PDE10A: variants seen among roughly 807,000 people sequenced by gnomAD.
PDE10A encodes phosphodiesterase 10A, also known as cAMP and cAMP-inhibited cGMP 3',5'-cyclic phosphodiesterase 10A.
Under a neutral mutation model 97.7 loss-of-function variants are expected in PDE10A, and 39 were observed. The observed-to-expected ratio is 0.40, with a 90% confidence interval of 0.31 to 0.52. The LOEUF is 0.52. Among genes scored for constraint, PDE10A ranks in the 20% least tolerant of loss-of-function variants. The pLI, the probability that PDE10A is intolerant of heterozygous loss-of-function variation, is 0.56. For missense variants in PDE10A, 731 were observed against 1,047.8 expected (o/e 0.70, Z 4.17); for synonymous variants, 371 against 376.8 (o/e 0.98, Z 0.18).
chr6:165,562,999 T>C (rs1384913361), intron 1 of PDE10A, among the ~76,000 whole-genome samples: 1 of 152,024 alleles, frequency 6.6e-6, no homozygotes, highest in African/African-American at 2.4e-5. Flanking sequence ...GCATCAACGG[T>C]GCTCACGTTG....
chr6:165,725,987 C>T (rs1367262660), intron 1 of PDE10A, among the ~76,000 whole-genome samples: 1 of 152,182 alleles, frequency 6.6e-6, no homozygotes, highest in African/African-American at 2.4e-5. Context: ...ATTGGCACTA[C>T]CCATGTTCTC....
At chr6:165,572,254 G>A (rs143250650) in intron 1 of PDE10A, among the ~76,000 whole-genome samples, 228 of 152,240 alleles carry the variant, frequency 1.5e-3, no homozygotes, top group Non-Finnish European at 2.2e-3. Flanking sequence ...TATCGAAGAC[G>A]ACTACCAAGG....
chr6:165,713,584 C>A (rs1791955201), intron 1 of PDE10A, among the ~76,000 whole-genome samples: 1 of 152,144 alleles, frequency 6.6e-6, no homozygotes, highest in South Asian at 2.1e-4. Context: ...GGGAGGGTGG[C>A]TGACAGATAA....
At chr6:165,645,533 A>G (rs781745360) in intron 1 of PDE10A, among the ~76,000 whole-genome samples, 16 of 152,144 alleles carry the variant, frequency 1.1e-4, no homozygotes, top group Non-Finnish European at 1.8e-4. Flanking sequence ...CAAAACCTAC[A>G]CAGTTGTTGA....
intron 1 of PDE10A, among the ~76,000 whole-genome samples, chr6:165,551,066 C>T (rs1486147193): frequency 6.6e-6 from 1 of 152,174 alleles, no homozygotes; most frequent in African/African-American, 2.4e-5. Flanking sequence ...TTGTGTCATA[C>T]TAAGCAGTGT....
chr6:165,601,402 C>A (rs2128395320), intron 1 of PDE10A, among the ~76,000 whole-genome samples: 1 of 152,296 alleles, frequency 6.6e-6, no homozygotes, highest in Admixed American at 6.5e-5. Context: ...TTATATTACA[C>A]ATAATTTGCT....
At chr6:165,482,376 A>G in intron 2 of PDE10A, 33 bp from the exon 3 acceptor site, 1 of 1,552,394 alleles carries the variant, frequency 6.4e-7, no homozygotes, top group Non-Finnish European at 8.9e-7. Context: ...GAAAAACACA[A>G]TTAGCGACTG....
chr6:165,854,056 T>C (rs1346271702), intron 1 of PDE10A, among the ~76,000 whole-genome samples: 2 of 152,190 alleles, frequency 1.3e-5, no homozygotes, highest in African/African-American at 2.4e-5. Context: ...CAGGCTGCGC[T>C]GGACCCAGAC....
At chr6:165,883,660 AG>A (rs1255603452) in intron 1 of PDE10A, among the ~76,000 whole-genome samples, 3 of 152,144 alleles carry the variant, frequency 2.0e-5, no homozygotes, top group East Asian at 1.9e-4. Context: ...TGAGGGGTCT[AG>A]GGGGCAACAA....
chr6:165,950,642 C>T (rs1183665627), intron 1 of PDE10A, among the ~76,000 whole-genome samples: 4 of 152,182 alleles, frequency 2.6e-5, no homozygotes, highest in Non-Finnish European at 4.4e-5. Context: ...ATGCAGAAGG[C>T]GGCCTTCTAG....
At chr6:165,364,442 G>C (rs538620176) in intron 18 of PDE10A, among the ~76,000 whole-genome samples, 1 of 152,184 alleles carries the variant, frequency 6.6e-6, no homozygotes, top group Non-Finnish European at 1.5e-5. Flanking sequence ...CCCCAAATAT[G>C]TGAGAAGTAA....
chr6:165,422,346 T>C (rs1463971028), intron 10 of PDE10A, among the ~76,000 whole-genome samples: 1 of 101,188 alleles, frequency 9.9e-6, no homozygotes, highest in Admixed American at 8.7e-5. Flanking sequence ...CACACACACA[T>C]ATGCATACAC....
At chr6:165,852,742 C>A (rs1280217885) in intron 1 of PDE10A, among the ~76,000 whole-genome samples, 2 of 152,184 alleles carry the variant, frequency 1.3e-5, no homozygotes, top group African/African-American at 4.8e-5. Flanking sequence ...GGGTGAGATA[C>A]AGCTGCAGCT....
intron 1 of PDE10A, among the ~76,000 whole-genome samples, chr6:165,811,809 T>C (rs1012153710): frequency 2.0e-5 from 3 of 152,234 alleles, no homozygotes; most frequent in Non-Finnish European, 4.4e-5. Context: ...TTTTGTCTTA[T>C]GCTGACGGTG....
rs369889722 is a variant in PDE10A at position 165,535,144 on chromosome 6, C to T, written c.994+8296G>A. Among the ~76,000 whole-genome samples, 576 of 151,758 alleles carry T rather than the reference C, an allele frequency of 3.8e-3. 27 individuals carry two copies. In the South Asian group the frequency reaches 0.097, roughly 26 times the overall value. ...GATAATCTGTAGCATTTCTATATGT[C>T]GAAAGCAAACAATCTAAAAATGAAA... On this transcript the variant is annotated intron_variant, in intron 2 of 21. Coordinates refer to ENST00000539869, the MANE Select transcript of PDE10A (RefSeq NM_001385079.1).
intron 1 of PDE10A, among the ~76,000 whole-genome samples, chr6:165,863,977 T>A (rs111702993): frequency 1.3e-5 from 2 of 152,170 alleles, no homozygotes; most frequent in Non-Finnish European, 2.9e-5. Context: ...CTAAAGGGAA[T>A]ATGCCTAAGG....
At chr6:165,592,984 A>G (rs1165543344) in intron 1 of PDE10A, among the ~76,000 whole-genome samples, 2 of 152,224 alleles carry the variant, frequency 1.3e-5, no homozygotes, top group Non-Finnish European at 2.9e-5. Context: ...ATGCTGCTAT[A>G]AAGACACATG....
intron 1 of PDE10A, among the ~76,000 whole-genome samples, chr6:165,784,572 C>T (rs1217476645): frequency 2.0e-5 from 3 of 152,130 alleles, no homozygotes; most frequent in Non-Finnish European, 2.9e-5. Flanking sequence ...TATTTAAATG[C>T]GCACTCAAAA....
intron 2 of PDE10A, among the ~76,000 whole-genome samples, chr6:165,525,439 C>T (rs971367709): frequency 3.3e-5 from 5 of 152,026 alleles, no homozygotes; most frequent in Admixed American, 1.3e-4. Context: ...GATGGAAATG[C>T]CTGATCTCCC....
Sources: allele counts gnomAD v4.1 joint callset (sites outside exome capture counted in the v4.1 genomes callset), GRCh38; gene constraint gnomAD v4.1.1; transcripts MANE v1.5; gene names NCBI Gene and HGNC (gene_info 2026-07-23, HGNC 2026-07-21).